Variants in RGS7 observed in about 807,000 individuals in gnomAD.
RGS7 encodes regulator of G protein signaling 7, also known as regulator of G-protein signaling 7.
Under a neutral mutation model 81.1 loss-of-function variants are expected in RGS7, and 27 were observed. That is an observed-to-expected ratio of 0.33 (90% CI 0.25 to 0.46). The LOEUF is 0.46. RGS7 is among the 20% of genes least tolerant of loss of function. The pLI is 1.00. For missense variants in RGS7, 396 were observed against 607.4 expected, an observed-to-expected ratio of 0.65 and a Z score of 3.66; for synonymous variants, 208 against 207.7, an observed-to-expected ratio of 1.00 and a Z score of -0.01.
intron 2 of RGS7, among the ~76,000 whole-genome samples, chr1:241,261,988 A>ATGTTTGT (rs1315680488): frequency 4.0e-5 from 6 of 151,604 alleles, no homozygotes; most frequent in Admixed American, 3.3e-4. Flanking sequence ...TTGTTTGTTC[A>ATGTTTGT]TTTTTTAAGA....
At chr1:240,849,885 C>T (rs567017923) in intron 9 of RGS7, among the ~76,000 whole-genome samples, 3 of 152,208 alleles carry the variant, frequency 2.0e-5, no homozygotes, top group African/African-American at 7.2e-5. Flanking sequence ...CAAGAATGGT[C>T]GAACACACCA....
In RGS7 at chr1:241,001,066, T is replaced by C. The variant is rs541960239; in HGVS notation, c.176-17937A>G. 2.0e-5 allele frequency among the ~76,000 whole-genome samples: 3 copies of C among 152,284 alleles called. No homozygotes were observed. The South Asian group carries it at 6.2e-4, about 32-fold the overall frequency. On this transcript the variant is annotated intron_variant, in intron 3 of 18. Coordinates refer to ENST00000440928, the MANE Select transcript of RGS7 (RefSeq NM_001364886.1). Reference sequence around the variant, plus strand: ...GAACCCTTACATCATTAAGAAACTCTTGGACAGCATTGGTTCAGGTATTAC... The same window carrying C: ...GAACCCTTACATCATTAAGAAACTCCTGGACAGCATTGGTTCAGGTATTAC...
At chr1:240,887,240 T>TGTTGTTGCTG (rs60160345) in intron 6 of RGS7, among the ~76,000 whole-genome samples, 1 of 148,330 alleles carries the variant, frequency 6.7e-6, no homozygotes, top group African/African-American at 2.5e-5. Flanking sequence ...TTTTTTTTTT[T>TGTTGTTGCTG]TTTTTTGAGA....
intron 15 of RGS7, among the ~76,000 whole-genome samples, chr1:240,804,131 T>A: frequency 6.6e-6 from 1 of 152,174 alleles, no homozygotes; most frequent in East Asian, 1.9e-4. Context: ...ACAAATGGGA[T>A]AAATATAGGC....
At chr1:241,330,232 C>A (rs1407580079) in intron 2 of RGS7, among the ~76,000 whole-genome samples, 1 of 152,196 alleles carries the variant, frequency 6.6e-6, no homozygotes, top group African/African-American at 2.4e-5. Flanking sequence ...AGCCACCCCG[C>A]CCGGCCCTTG....
At chr1:241,349,458 AT>A (rs1303005707) in intron 2 of RGS7, among the ~76,000 whole-genome samples, 1 of 152,216 alleles carries the variant, frequency 6.6e-6, no homozygotes. Context: ...CAGCCAAAAT[AT>A]TTTCTAGTCT....
intron 6 of RGS7, among the ~76,000 whole-genome samples, chr1:240,910,123 AT>A (rs1045524345): frequency 1.3e-5 from 2 of 152,196 alleles, no homozygotes; most frequent in South Asian, 4.2e-4. Flanking sequence ...TATTTCGAAC[AT>A]TTTTTTAAGG....
intron 10 of RGS7, 88 bp downstream of exon 10, chr1:240,827,010 T>C: frequency 3.8e-6 from 4 of 1,056,252 alleles, no homozygotes; most frequent in East Asian, 2.4e-5. Context: ...AGATACTGCA[T>C]GACATGAGAA....
At chr1:241,247,614 T>C (rs541679177) in intron 2 of RGS7, among the ~76,000 whole-genome samples, 26 of 152,180 alleles carry the variant, frequency 1.7e-4, no homozygotes, top group Middle Eastern at 6.8e-3. Context: ...AATGCAATCA[T>C]ACAGGTGGTA....
chr1:241,129,210 C>T (rs1176697388), intron 2 of RGS7, among the ~76,000 whole-genome samples: 1 of 150,898 alleles, frequency 6.6e-6, no homozygotes, highest in East Asian at 2.0e-4. Context: ...CATAAATGAC[C>T]TTGCGTGTTT....
chr1:240,838,644 G>A (rs1033304709), intron 9 of RGS7, among the ~76,000 whole-genome samples: 1 of 151,774 alleles, frequency 6.6e-6, no homozygotes, highest in African/African-American at 2.4e-5. Context: ...CAGTGCTAGG[G>A]AAAAAAAATC....
intron 9 of RGS7, among the ~76,000 whole-genome samples, chr1:240,855,290 C>G (rs1369530270): frequency 1.0e-5 from 1 of 95,862 alleles, no homozygotes; most frequent in Non-Finnish European, 1.9e-5. Flanking sequence ...GCCTGGGCGA[C>G]AGAGTGAGAC....
chr1:241,330,073 G>T (rs2081877827), intron 2 of RGS7, among the ~76,000 whole-genome samples: 1 of 152,098 alleles, frequency 6.6e-6, no homozygotes, highest in Non-Finnish European at 1.5e-5. Flanking sequence ...TCGAGTAGCT[G>T]GGACTACAGG....
At chr1:240,864,399 C>T (rs1310379411) in intron 9 of RGS7, among the ~76,000 whole-genome samples, 4 of 152,148 alleles carry the variant, frequency 2.6e-5, no homozygotes, top group African/African-American at 9.7e-5. Flanking sequence ...CCAGGACTTA[C>T]ATATTTAAAT....
intron 2 of RGS7, among the ~76,000 whole-genome samples, chr1:241,099,489 C>T (rs906789249): frequency 1.3e-5 from 2 of 152,134 alleles, no homozygotes; most frequent in South Asian, 2.1e-4. Flanking sequence ...GCCTTCTGTC[C>T]GTTTACTAGA....
At chr1:240,938,313 T>C (rs372509208) in intron 4 of RGS7, among the ~76,000 whole-genome samples, 9 of 152,308 alleles carry the variant, frequency 5.9e-5, no homozygotes, top group Admixed American at 3.9e-4. Flanking sequence ...TGTTTATGTA[T>C]CTTTATGTAT....
intron 6 of RGS7, among the ~76,000 whole-genome samples, chr1:240,888,409 A>T (rs1464668921): frequency 1.3e-5 from 2 of 152,202 alleles, no homozygotes; most frequent in East Asian, 3.9e-4. Flanking sequence ...AAGGGGAGAA[A>T]ATGGAGGAAA....
chr1:241,127,587 A>T lies in RGS7; in HGVS notation c.79-28825T>A, dbSNP rs565364774. ...GGGATAGCGTTAGGAGATATACCTA[A>T]TGCTAAATGACGAGTTAATGGGTGC... On this transcript the variant is annotated intron_variant, in intron 2 of 18. Coordinates refer to ENST00000440928, the MANE Select transcript of RGS7 (RefSeq NM_001364886.1). 3.4e-4 allele frequency among the ~76,000 whole-genome samples: 52 copies of T among 152,242 alleles called. 2 individuals are homozygous for T. The South Asian group carries it at 0.011, about 31-fold the overall frequency.
intron 16 of RGS7, among the ~76,000 whole-genome samples, chr1:240,801,808 A>C (rs906609442): frequency 7.2e-5 from 11 of 152,214 alleles, no homozygotes; most frequent in Non-Finnish European, 1.3e-4. Flanking sequence ...TGACATTTGC[A>C]GAGCCTAAAT....
Sources: gnomAD v4.1 joint callset for allele counts (sites outside exome capture counted in the v4.1 genomes callset) on GRCh38, gnomAD v4.1.1 for gene constraint, MANE v1.5 for transcripts, NCBI Gene and HGNC (gene_info 2026-07-23, HGNC 2026-07-21) for gene names.